Variants in GALNT17 observed in about 807,000 individuals in gnomAD.
The protein encoded by GALNT17 is polypeptide N-acetylgalactosaminyltransferase 17.
A neutral mutation model predicts 63.7 loss-of-function variants in GALNT17; 29 were observed. The ratio of observed to expected loss-of-function variants is 0.46; its 90% CI spans 0.34 to 0.62. The LOEUF is 0.62. GALNT17 is among the 20% of genes least tolerant of loss of function. GALNT17 has a pLI of 0.01. For synonymous variants in GALNT17, 305 were observed against 318.3 expected (o/e 0.96, Z 0.45); for missense variants, 603 against 799.6 (o/e 0.75, Z 2.97).
chr7:71,490,855 G>A (rs6415226), intron 5 of GALNT17, among the ~76,000 whole-genome samples: 149,230 of 152,264 alleles, frequency 0.98, 73,192 homozygotes, highest in East Asian at 1. Flanking sequence ...AGCTATGATC[G>A]CACCACTGCA....
At chr7:71,148,567 C>G (rs1033165803) in intron 1 of GALNT17, among the ~76,000 whole-genome samples, 3 of 152,122 alleles carry the variant, frequency 2.0e-5, no homozygotes, top group African/African-American at 7.2e-5. Flanking sequence ...ACCATGCCCT[C>G]TCTACCCCTA....
chr7:71,239,356 C>T (rs1338002450), intron 1 of GALNT17, among the ~76,000 whole-genome samples: 1 of 152,004 alleles, frequency 6.6e-6, no homozygotes, highest in African/African-American at 2.4e-5. Flanking sequence ...GCCTGTAGTC[C>T]CAGCTACCTG....
intron 2 of GALNT17, among the ~76,000 whole-genome samples, chr7:71,381,595 A>G (rs1270330589): frequency 2.6e-5 from 4 of 152,078 alleles, no homozygotes; most frequent in Non-Finnish European, 5.9e-5. Flanking sequence ...CCTGGCTAAC[A>G]TGGTGGAACC....
At chr7:71,332,292 G>A (rs1312377674) in intron 1 of GALNT17, among the ~76,000 whole-genome samples, 2 of 151,042 alleles carry the variant, frequency 1.3e-5, no homozygotes, top group East Asian at 3.9e-4. Flanking sequence ...CTTGGATTTG[G>A]GGAAAAAAAA....
intron 5 of GALNT17, among the ~76,000 whole-genome samples, chr7:71,523,712 A>G (rs1788566948): frequency 6.6e-6 from 1 of 151,698 alleles, no homozygotes; most frequent in Admixed American, 6.6e-5. Flanking sequence ...ACTGCAATCC[A>G]GCCTTGGCAA....
intron 1 of GALNT17, among the ~76,000 whole-genome samples, chr7:71,232,138 AAG>A (rs1789801552): frequency 1.3e-5 from 2 of 152,122 alleles, no homozygotes. Context: ...AATATTGAGA[AAG>A]AGAGTTTGGG....
intron 1 of GALNT17, among the ~76,000 whole-genome samples, chr7:71,222,838 A>G (rs1789612045): frequency 6.6e-6 from 1 of 151,888 alleles, no homozygotes; most frequent in African/African-American, 2.4e-5. Flanking sequence ...TGGGAGACCA[A>G]GTTGGGAGGG....
chr7:71,196,084 T>A (rs1407991139), intron 1 of GALNT17, among the ~76,000 whole-genome samples: 4 of 152,142 alleles, frequency 2.6e-5, no homozygotes, highest in African/African-American at 7.2e-5. Context: ...CCTCCAGACC[T>A]CCTCCCATGT....
intron 2 of GALNT17, among the ~76,000 whole-genome samples, chr7:71,387,448 C>T (rs1277551803): frequency 6.6e-6 from 1 of 151,762 alleles, no homozygotes; most frequent in South Asian, 2.1e-4. Flanking sequence ...ACCCCAGCCT[C>T]CCAAGTAGCT....
chr7:71,622,895 G>A (rs1339376127), intron 6 of GALNT17, among the ~76,000 whole-genome samples: 2 of 152,192 alleles, frequency 1.3e-5, no homozygotes, highest in Non-Finnish European at 2.9e-5. Flanking sequence ...TTCCCATGGG[G>A]ATGAATCAAG....
intron 1 of GALNT17, among the ~76,000 whole-genome samples, chr7:71,298,010 CAA>C (rs1032067577): frequency 2.6e-5 from 4 of 152,076 alleles, no homozygotes; most frequent in Admixed American, 2.6e-4. Flanking sequence ...TCGTTGAACT[CAA>C]GAGTTGTGTA....
chr7:71,136,572 G>A (rs1470088272), intron 1 of GALNT17, among the ~76,000 whole-genome samples: 4 of 151,634 alleles, frequency 2.6e-5, no homozygotes, highest in African/African-American at 9.7e-5. Flanking sequence ...TGCAGTCTCC[G>A]CTTCCTGGGT....
chr7:71,281,881 A>C (rs1790784329), intron 1 of GALNT17, among the ~76,000 whole-genome samples: 1 of 152,196 alleles, frequency 6.6e-6, no homozygotes, highest in African/African-American at 2.4e-5. Flanking sequence ...CATAGATTTC[A>C]GGTTAGTGTC....
intron 5 of GALNT17, among the ~76,000 whole-genome samples, chr7:71,534,108 T>C (rs1397019051): frequency 6.6e-6 from 1 of 152,152 alleles, no homozygotes; most frequent in Non-Finnish European, 1.5e-5. Flanking sequence ...GTTCGTCTGT[T>C]CTCATGCTAC....
At chr7:71,346,955 A>G (rs1469318994) in intron 2 of GALNT17, among the ~76,000 whole-genome samples, 2 of 152,028 alleles carry the variant, frequency 1.3e-5, no homozygotes, top group East Asian at 1.9e-4. Context: ...TAAATAAAAC[A>G]TGGGAAAGAA....
chr7:71,600,532 T>A (rs1040097246), intron 6 of GALNT17, among the ~76,000 whole-genome samples: 2 of 152,064 alleles, frequency 1.3e-5, no homozygotes, highest in African/African-American at 4.8e-5. Flanking sequence ...AACACCATGA[T>A]GCAGCTGCTC....
At chr7:71,629,097 G>T (rs1167233610) in intron 6 of GALNT17, among the ~76,000 whole-genome samples, 2 of 152,104 alleles carry the variant, frequency 1.3e-5, no homozygotes, top group African/African-American at 2.4e-5. Context: ...AGAGGAGTTG[G>T]CTGGTGGAGA....
chr7:71,705,052 A>G (rs1791704078), intron 9 of GALNT17, among the ~76,000 whole-genome samples: 1 of 152,230 alleles, frequency 6.6e-6, no homozygotes, highest in Non-Finnish European at 1.5e-5. Context: ...GCTTCAAAGG[A>G]CATTATCAAG....
At chr7:71,557,297 C>T (rs1286087790) in intron 5 of GALNT17, among the ~76,000 whole-genome samples, 1 of 152,258 alleles carries the variant, frequency 6.6e-6, no homozygotes, top group East Asian at 1.9e-4. Flanking sequence ...AATCTCAATA[C>T]TCTTTCTTTC....
Sources: gnomAD v4.1 joint callset for allele counts (sites outside exome capture counted in the v4.1 genomes callset) on GRCh38, gnomAD v4.1.1 for gene constraint, MANE v1.5 for transcripts, NCBI Gene and HGNC (gene_info 2026-07-23, HGNC 2026-07-21) for gene names.